Variants in GCA observed in about 807,000 individuals in gnomAD.
The protein encoded by GCA is grancalcin, EF-hand calcium-binding protein.
GCA carries 30 observed loss-of-function variants against 32.6 expected under a neutral mutation model. The observed-to-expected ratio is 0.92, with a 90% CI of 0.69 to 1.25. GCA has a LOEUF of 1.25. Among genes scored for constraint, GCA ranks in the 50% most tolerant of loss-of-function variants. The pLI is 0.00. For synonymous variants in GCA, 102 were observed against 84.6 expected (o/e 1.21, Z -1.13); for missense variants, 291 against 266.8 (o/e 1.09, Z -0.63).
upstream of GCA, chr2:162,344,130 T>C (rs1245297680): frequency 1.9e-6 from 2 of 1,032,930 alleles, no homozygotes; most frequent in Admixed American, 1.9e-5. Flanking sequence ...AACTGTGCGG[T>C]TAGTGCGCCT....
rs945734968 is a variant in GCA, at chr2:162,360,551, T to C, written c.*308T>C. The C allele has an allele frequency of 1.9e-6, 2 of 1,070,512 alleles. No homozygotes were observed. The highest frequency in any genetic ancestry group is 3.3e-5 in the African/African-American group (2 of 60,702). 66.3% of individuals were successfully genotyped at this position (1,070,512 alleles called of 1,614,324 possible). ...TAGATAATGTAAATTTAGAGGAATGTACTTTACAAGATAGATTGTATAAGA... is the reference window on the plus strand; with the variant it reads ...TAGATAATGTAAATTTAGAGGAATGCACTTTACAAGATAGATTGTATAAGA... On this transcript the variant is annotated 3_prime_UTR_variant, in exon 8 of 8. Coordinates refer to ENST00000437150, the MANE Select transcript of GCA (RefSeq NM_012198.5).
In GCA at chr2:162,346,905, C is replaced by A. The variant is rs1176524517; in HGVS notation, c.28-673C>A. On this transcript the variant is annotated intron_variant, in intron 1 of 7. Coordinates refer to ENST00000437150, the MANE Select transcript of GCA (RefSeq NM_012198.5). Reference sequence around the variant, plus strand: ...CACATAATCTGTAACATCAGAGAATCCCACATATATAAACTGTAATAAGTC... The same window carrying A: ...CACATAATCTGTAACATCAGAGAATACCACATATATAAACTGTAATAAGTC... Among the ~76,000 whole-genome samples the A allele has an allele frequency of 2.0e-5, 3 of 152,206 alleles. No homozygotes were observed. The East Asian group carries it at 5.8e-4, about 29-fold the overall frequency.
chr2:162,346,609 G>C (rs1684722159), intron 1 of GCA: 2 of 152,194 alleles, frequency 1.3e-5, no homozygotes, highest in Non-Finnish European at 2.9e-5. Context: ...ATGAAAAAGT[G>C]GAAGAGCCAT....
At chr2:162,339,684 C>T (rs1325395076), upstream of GCA, among the ~76,000 whole-genome samples, 3 of 152,164 alleles carry the variant, frequency 2.0e-5, no homozygotes, top group African/African-American at 4.8e-5. Flanking sequence ...TTTGCCCCCT[C>T]TCTGGCTATC....
chr2:162,336,421 G>A (rs564173419), intron 1 of GCA, among the ~76,000 whole-genome samples: 7 of 152,120 alleles, frequency 4.6e-5, no homozygotes, highest in African/African-American at 1.4e-4. Flanking sequence ...GACATTTTTT[G>A]TATCTTCTTT....
chr2:162,360,410 A>G lies in GCA; in HGVS notation c.*167A>G. On this transcript the variant is annotated 3_prime_UTR_variant, in exon 8 of 8. Transcript: ENST00000437150. ...AGCAGATAGTTCAAAGCAATAAAAGATTTCTTTTTTAATTTGAGGTATTAC... is the reference window on the plus strand; with the variant it reads ...AGCAGATAGTTCAAAGCAATAAAAGGTTTCTTTTTTAATTTGAGGTATTAC... 2.4e-6 allele frequency: 3 copies of G among 1,261,586 alleles called. No homozygotes were observed. The highest frequency in any genetic ancestry group is 3.1e-6 in the Non-Finnish European group (3 of 979,042). The allele number at this position is 1,261,586 out of a possible 1,614,324, so 78.1% of individuals were successfully genotyped here.
At chr2:162,344,410 G>C (rs1684574840) in intron 1 of GCA, 135 bp downstream of exon 1, 3 of 768,314 alleles carry the variant, frequency 3.9e-6, no homozygotes, top group Middle Eastern at 3.6e-4. Flanking sequence ...GCCGGATTCC[G>C]GGGCTGTTGG....
rs142230234 is a variant in GCA at position 162,335,199 on chromosome 2, G to A, written c.-30-12379G>A. Reference sequence around the variant, plus strand: ...GGCCAAGGTGGGTGGATCACTTGAGGTCAGGAGTTCAAGGCCACCCTGGCC... The same window carrying A: ...GGCCAAGGTGGGTGGATCACTTGAGATCAGGAGTTCAAGGCCACCCTGGCC... On this transcript the variant is annotated intron_variant, in intron 1 of 4. Transcript: ENST00000429691. Among the ~76,000 whole-genome samples, 8 of 152,218 alleles carry A rather than the reference G, an allele frequency of 5.3e-5. No individual in the cohort carries two copies. The East Asian group carries it at 1.2e-3, about 22-fold the overall frequency.
chr2:162,340,924 A>G (rs1415929407), upstream of GCA, among the ~76,000 whole-genome samples: 1 of 152,116 alleles, frequency 6.6e-6, no homozygotes, highest in Non-Finnish European at 1.5e-5. Flanking sequence ...CTCCATTTAG[A>G]GCTACAACCT....
downstream of GCA, chr2:162,371,679 T>A: frequency 1.1e-6 from 1 of 880,370 alleles, no homozygotes; most frequent in Non-Finnish European, 1.7e-6. Context: ...AGTTTTACCT[T>A]ACAAGCTTCA....
intron 2 of GCA, 103 bp from the exon 3 acceptor site, chr2:162,352,235 C>T: frequency 1.5e-6 from 1 of 685,480 alleles, no homozygotes; most frequent in East Asian, 2.6e-5. Flanking sequence ...AGTAATGTTT[C>T]AAAGAATGCA....
intron 5 of GCA, among the ~76,000 whole-genome samples, chr2:162,358,358 A>G (rs919756369): frequency 2.0e-5 from 3 of 151,522 alleles, no homozygotes; most frequent in Non-Finnish European, 1.5e-5. Flanking sequence ...CATGTATAGA[A>G]TTTAAAATTA....
At chr2:162,318,993 G>A, upstream of GCA, 1 of 363,474 alleles carries the variant, frequency 2.8e-6, no homozygotes. Context: ...ACTTTCCAAA[G>A]GGGAAGTGAA....
intron 1 of GCA, among the ~76,000 whole-genome samples, chr2:162,324,953 C>T (rs976333130): frequency 5.9e-5 from 9 of 151,856 alleles, no homozygotes; most frequent in South Asian, 2.1e-4. Flanking sequence ...TCCGAGGCTC[C>T]GATTGCCTGA....
intron 1 of GCA, among the ~76,000 whole-genome samples, chr2:162,346,960 G>A (rs968473457): frequency 1.3e-5 from 2 of 152,122 alleles, no homozygotes; most frequent in African/African-American, 4.8e-5. Context: ...CAAGTGGGAG[G>A]CCAGCATACA....
intron 1 of GCA, among the ~76,000 whole-genome samples, chr2:162,346,256 G>T (rs1312949693): frequency 6.6e-6 from 1 of 152,168 alleles, no homozygotes; most frequent in Non-Finnish European, 1.5e-5. Flanking sequence ...AAACAGATTA[G>T]ATTTTCACAC....
downstream of GCA, chr2:162,373,444 C>T (rs1036873226): frequency 2.7e-6 from 4 of 1,458,974 alleles, no homozygotes; most frequent in African/African-American, 5.8e-5. Flanking sequence ...GAGAGACACT[C>T]TTGGTTGGAT....
rs2105358251 is a variant in GCA at position 162,361,794 on chromosome 2, A to T, written c.*1551A>T. The T allele has an allele frequency of 1.0e-6, 1 of 984,238 alleles. No individual in the cohort carries two copies. Among genetic ancestry groups the T allele is most frequent in the Middle Eastern group, 5.2e-4 (1 of 1,910 alleles). 61.0% of individuals were successfully genotyped at this position (984,238 alleles called of 1,614,324 possible). The stretch of plus-strand genomic sequence containing the variant: ...TGAGCTGGGAAATTAAAGAAACAGA[A>T]TTCTAATTAGAAGTGTTGTAGGAAA... On this transcript the variant is annotated 3_prime_UTR_variant, in exon 8 of 8. Transcript: ENST00000437150.
downstream of GCA, among the ~76,000 whole-genome samples, chr2:162,364,633 T>C (rs1188651094): frequency 6.6e-6 from 1 of 151,538 alleles, no homozygotes; most frequent in Non-Finnish European, 1.5e-5. Flanking sequence ...ACAGACTCAA[T>C]AGTCCTTAGC....
Sources: allele counts gnomAD v4.1 joint callset (sites outside exome capture counted in the v4.1 genomes callset), GRCh38; gene constraint gnomAD v4.1.1; transcripts MANE v1.5; gene names NCBI Gene and HGNC (gene_info 2026-07-23, HGNC 2026-07-21).